Variants in CPLX2 observed in about 807,000 individuals in gnomAD.
CPLX2 encodes the protein complexin-2.
In CPLX2, 5 loss-of-function variants were observed where a neutral mutation model predicts 16.3. The ratio of observed to expected loss-of-function variants is 0.31; its 90% CI spans 0.16 to 0.64. The LOEUF (loss-of-function observed/expected upper bound fraction) is 0.64, where lower values mean the gene tolerates loss of function less well. CPLX2 is among the 30% of genes least tolerant of loss of function. The pLI is 0.79. For synonymous variants in CPLX2, 89 were observed against 73.2 expected (o/e 1.22, Z -1.10); for missense variants, 144 against 181.4 (o/e 0.79, Z 1.18).
chr5:175,796,967 C>T (rs984933132), intron 1 of CPLX2, among the ~76,000 whole-genome samples: 1 of 152,214 alleles, frequency 6.6e-6, no homozygotes, highest in African/African-American at 2.4e-5. Flanking sequence ...GCAGAGGGCG[C>T]CTCGGGCTTC....
intron 2 of CPLX2, among the ~76,000 whole-genome samples, chr5:175,860,516 A>AAAAGAAAG (rs765708535): frequency 7.0e-4 from 15 of 21,352 alleles, no homozygotes; most frequent in South Asian, 4.6e-3. Flanking sequence ...GAAAGAAAGA[A>AAAAGAAAG]AAAGAAAGAA....
chr5:175,807,394 T>A (rs557344444), intron 1 of CPLX2, among the ~76,000 whole-genome samples: 27 of 152,320 alleles, frequency 1.8e-4, no homozygotes, highest in African/African-American at 5.5e-4. Flanking sequence ...CCTTCCCTTC[T>A]TAAAGGCCAG....
At chr5:175,807,696 C>A (rs1366357640) in intron 1 of CPLX2, among the ~76,000 whole-genome samples, 3 of 143,684 alleles carry the variant, frequency 2.1e-5, no homozygotes, top group African/African-American at 7.8e-5. Flanking sequence ...ACTTACTCAT[C>A]ATTCATTCAT....
At chr5:175,825,937 C>CAAAG (rs762895038) in intron 2 of CPLX2, among the ~76,000 whole-genome samples, 3 of 44,420 alleles carry the variant, frequency 6.8e-5, no homozygotes, top group South Asian at 1.2e-3. Context: ...TGAATAAGTG[C>CAAAG]AAAAAAAAAA....
rs941830911 is a variant in CPLX2, at chr5:175,808,014, C to T, written c.-168-975C>T. 2.0e-5 allele frequency among the ~76,000 whole-genome samples: 3 copies of T among 152,078 alleles called. No individual in the cohort carries two copies. The East Asian group carries it at 5.8e-4, about 30-fold the overall frequency. On this transcript the variant is annotated intron_variant, in intron 1 of 4. Coordinates refer to the CPLX2 transcript ENST00000359546. ...GCCACTGAGAGCAGGGCTATCGTTA[C>T]TAAAAGAAGAGGAAATAGAGAGCTG... is the stretch of plus-strand genomic sequence containing the variant.
intron 2 of CPLX2, among the ~76,000 whole-genome samples, chr5:175,843,268 G>T (rs931046779): frequency 6.6e-6 from 1 of 152,176 alleles, no homozygotes; most frequent in Admixed American, 6.5e-5. Flanking sequence ...ACAAGCCTTT[G>T]ATGGGGCCTC....
chr5:175,869,222 C>T (rs1759534400), upstream of CPLX2, among the ~76,000 whole-genome samples: 1 of 152,210 alleles, frequency 6.6e-6, no homozygotes, highest in Admixed American at 6.5e-5. Context: ...GTCACCAAAA[C>T]TTGGCTGAGC....
rs1755686338 is a variant in CPLX2, at chr5:175,883,802, A to C, written c.*3757A>C. On this transcript the variant is annotated 3_prime_UTR_variant, in exon 4 of 4. Transcript: ENST00000393745. Reference sequence around the variant, plus strand: ...TGGTGAGACCCCGGTGAGATGGACCATCCTGCCCCCGTGGGGGATCCCCTT... The same window carrying C: ...TGGTGAGACCCCGGTGAGATGGACCCTCCTGCCCCCGTGGGGGATCCCCTT... 1 of 152,762 alleles carries C rather than the reference A, an allele frequency of 6.5e-6. No individual in the cohort carries two copies. Among genetic ancestry groups the C allele is most frequent in the Non-Finnish European group, 1.5e-5 (1 of 68,260 alleles). The allele number at this position is 152,762 out of a possible 1,614,324, so 9.5% of individuals were successfully genotyped here. A position where few individuals can be genotyped will look rare whatever the true frequency, so the allele number is the denominator to read the frequency against.
At chr5:175,799,181 A>G (rs762418788) in intron 1 of CPLX2, among the ~76,000 whole-genome samples, 2 of 152,152 alleles carry the variant, frequency 1.3e-5, no homozygotes, top group Non-Finnish European at 2.9e-5. Flanking sequence ...GACAAATCAA[A>G]CTCTACAGAG....
chr5:175,798,066 G>A (rs182830727), intron 1 of CPLX2, among the ~76,000 whole-genome samples: 1 of 152,150 alleles, frequency 6.6e-6, no homozygotes, highest in African/African-American at 2.4e-5. Context: ...CCTAAAACCC[G>A]GGCTCTCTAA....
At chr5:175,797,963 C>T (rs1424773589) in intron 1 of CPLX2, among the ~76,000 whole-genome samples, 1 of 152,194 alleles carries the variant, frequency 6.6e-6, no homozygotes, top group Non-Finnish European at 1.5e-5. Context: ...TCACGTGACA[C>T]TCTAGATCAC....
chr5:175,834,216 C>T (rs1237027712), intron 2 of CPLX2, among the ~76,000 whole-genome samples: 3 of 152,184 alleles, frequency 2.0e-5, no homozygotes, highest in African/African-American at 4.8e-5. Flanking sequence ...GGGGTAATGA[C>T]ACCAACTGCA....
chr5:175,865,240 A>C (rs1312162341), intron 2 of CPLX2, among the ~76,000 whole-genome samples: 1 of 152,242 alleles, frequency 6.6e-6, no homozygotes, highest in Non-Finnish European at 1.5e-5. Flanking sequence ...TGCTTTAACA[A>C]GACAGCAATA....
chr5:175,798,027 T>C (rs1758026049), intron 1 of CPLX2, among the ~76,000 whole-genome samples: 2 of 152,188 alleles, frequency 1.3e-5, no homozygotes, highest in South Asian at 4.1e-4. Flanking sequence ...TCGCCCAAGG[T>C]CACTCAGCAA....
Position 175,880,074 on chromosome 5 carries a change from C to T in CPLX2, c.*29C>T. 3 of 1,591,624 alleles carry T rather than the reference C, an allele frequency of 1.9e-6. No homozygotes were observed. Among genetic ancestry groups the T allele is most frequent in the Non-Finnish European group, 2.6e-6 (3 of 1,167,168 alleles). On this transcript the variant is annotated 3_prime_UTR_variant, in exon 4 of 4. Transcript: ENST00000393745. ...GGCCTCCTGCCCCAGCCTACTCCACCTGTTACTACTTCTTTTTGGTTCTTT... is the reference window on the plus strand; with the variant it reads ...GGCCTCCTGCCCCAGCCTACTCCACTTGTTACTACTTCTTTTTGGTTCTTT...
chr5:175,800,586 G>A (rs1401282822), intron 1 of CPLX2, among the ~76,000 whole-genome samples: 1 of 152,080 alleles, frequency 6.6e-6, no homozygotes, highest in Non-Finnish European at 1.5e-5. Context: ...AATTATCCCA[G>A]CTATCAGCTT....
rs535268458 is a variant in CPLX2, at chr5:175,860,556, GAA to G, written c.-88-18094_-88-18093del. Among the ~76,000 whole-genome samples the G allele has an allele frequency of 2.0e-3, 236 of 120,232 alleles. 1 individual carries two copies. The highest frequency in any genetic ancestry group is 7.2e-3 in the African/African-American group (227 of 31,692). The allele number at this position is 120,232 out of a possible 152,430, so 78.9% of individuals were successfully genotyped here. On this transcript the variant is annotated intron_variant, in intron 2 of 4. Transcript: ENST00000359546. ...AGAAAGAAAGATAGATAGAAAGAAA[GAA>G]AGAAAAAGAAGGGAGGGAGGGAGGG... is the stretch of plus-strand genomic sequence containing the variant.
Position 175,834,805 on chromosome 5 carries a change from C to A in CPLX2, c.-89+25737C>A, listed in dbSNP as rs532350515. Reference sequence around the variant, plus strand: ...AGGAGAATCGCTTGAACCTGGGAGACGGAGGTTGCAGTGAGCTGAGATCGC... The same window carrying A: ...AGGAGAATCGCTTGAACCTGGGAGAAGGAGGTTGCAGTGAGCTGAGATCGC... On this transcript the variant is annotated intron_variant, in intron 2 of 4. Transcript: ENST00000359546. Among the ~76,000 whole-genome samples the A allele has an allele frequency of 5.8e-3, 890 of 152,256 alleles. 3 individuals are homozygous for A. The highest frequency in any genetic ancestry group is 0.01 in the Non-Finnish European group (687 of 68,008).
chr5:175,805,686 A>C (rs529565842), intron 1 of CPLX2: 34 of 152,442 alleles, frequency 2.2e-4, no homozygotes, highest in African/African-American at 7.9e-4. Context: ...AGAGGAGCTC[A>C]CGTTGCCAAG....
Sources: allele counts gnomAD v4.1 joint callset (sites outside exome capture counted in the v4.1 genomes callset), GRCh38; gene constraint gnomAD v4.1.1; transcripts MANE v1.5; gene names NCBI Gene and HGNC (gene_info 2026-07-23, HGNC 2026-07-21).